The following ENPEP variants were observed in gnomAD, a reference collection of about 807,000 sequenced individuals.
ENPEP encodes the protein glutamyl aminopeptidase.
In ENPEP, 103 loss-of-function variants were observed where a neutral mutation model predicts 114.5. That is an observed-to-expected ratio of 0.90 (90% CI 0.77 to 1.06). The LOEUF (loss-of-function observed/expected upper bound fraction) is 1.06. ENPEP is among the 50% of genes least tolerant of loss of function. The pLI, the probability that ENPEP is intolerant of heterozygous loss-of-function variation, is 0.00. For synonymous variants in ENPEP, 420 were observed against 422.0 expected (o/e 1.00, Z 0.06); for missense variants, 1,196 against 1,161.3 (o/e 1.03, Z -0.43).
At chr4:110,484,484 ATC>A (rs1336620483) in intron 1 of ENPEP, among the ~76,000 whole-genome samples, 1 of 151,958 alleles carries the variant, frequency 6.6e-6, no homozygotes, top group Non-Finnish European at 1.5e-5. Context: ...CTGTATCTAT[ATC>A]TGGGTCACTG....
chr4:110,536,293 A>G (rs1200526686), intron 11 of ENPEP, among the ~76,000 whole-genome samples: 1 of 152,176 alleles, frequency 6.6e-6, no homozygotes, highest in Non-Finnish European at 1.5e-5. Flanking sequence ...GCAACAGTCT[A>G]AAGGAGATAT....
chr4:110,496,811 G>A (rs879148807), intron 3 of ENPEP, among the ~76,000 whole-genome samples: 1 of 152,152 alleles, frequency 6.6e-6, no homozygotes, highest in African/African-American at 2.4e-5. Flanking sequence ...ATCCTATCAG[G>A]GGGTACATGA....
chr4:110,544,443 A>T (rs1726974230), intron 13 of ENPEP, among the ~76,000 whole-genome samples: 1 of 152,096 alleles, frequency 6.6e-6, no homozygotes, highest in South Asian at 2.1e-4. Flanking sequence ...ATGATGTTCT[A>T]GTGAATCTCC....
Position 110,510,340 on chromosome 4 carries a change from A to G in ENPEP, c.1290A>G (p.Ala430=), listed in dbSNP as rs147930792. The G allele has an allele frequency of 8.1e-6, 13 of 1,614,118 alleles. No individual in the cohort carries two copies. The African/African-American group carries it at 1.7e-4, about 22-fold the overall frequency. ...TTGAGTTTCTGGGAGTAAACCATGC[A>G]GAAACAGACTGGCAAATGGTGAGTC... is the stretch of plus-strand genomic sequence containing the variant. ...SFFEFLGVNH[A]ETDWQMRDQM... Residue 430 remains alanine (A), a synonymous_variant, in exon 6 of 20, where the codon GCA becomes GCG. Transcript: ENST00000265162.
intron 3 of ENPEP, among the ~76,000 whole-genome samples, chr4:110,502,483 C>G (rs895867334): frequency 1.3e-5 from 2 of 152,192 alleles, no homozygotes; most frequent in African/African-American, 4.8e-5. Context: ...TTTCAATCTT[C>G]TGCATACGGC....
chr4:110,505,127 CTT>C (rs377163899), intron 3 of ENPEP, among the ~76,000 whole-genome samples: 1 of 152,164 alleles, frequency 6.6e-6, no homozygotes, highest in African/African-American at 2.4e-5. Context: ...AACGTGATGA[CTT>C]TTATTTTAGA....
chr4:110,500,804 A>G (rs976392062), intron 3 of ENPEP, among the ~76,000 whole-genome samples: 2 of 152,196 alleles, frequency 1.3e-5, no homozygotes, highest in African/African-American at 4.8e-5. Flanking sequence ...GTCAGGGGTA[A>G]TTGCCTGAAC....
chr4:110,498,542 A>G (rs1725031980), intron 3 of ENPEP, among the ~76,000 whole-genome samples: 1 of 152,348 alleles, frequency 6.6e-6, no homozygotes, highest in East Asian at 1.9e-4. Context: ...ACAGATTTAC[A>G]TTCCAGGGAC....
At position 110,562,199 on chromosome 4, in the gene ENPEP, A is replaced by G. The variant is rs973026612; in HGVS notation, c.*641A>G. ...CTTTTTTTAAAAATAAATCTAAATGATTATCTTGAAAAAGTATTGTTTTCC... is the reference window on the plus strand; with the variant it reads ...CTTTTTTTAAAAATAAATCTAAATGGTTATCTTGAAAAAGTATTGTTTTCC... On this transcript the variant is annotated 3_prime_UTR_variant, in exon 20 of 20. Transcript: ENST00000265162. 5 of 152,170 alleles carry G rather than the reference A, an allele frequency of 3.3e-5. No homozygotes were observed. Among genetic ancestry groups the G allele is most frequent in the African/African-American group, 9.6e-5 (4 of 41,452 alleles). The allele number at this position is 152,170 out of a possible 1,614,324, so 9.4% of individuals were successfully genotyped here. A position where few individuals can be genotyped will look rare whatever the true frequency, so the allele number is the denominator to read the frequency against.
intron 9 of ENPEP, 39 bp downstream of exon 9, chr4:110,520,112 G>C: frequency 6.2e-7 from 1 of 1,604,926 alleles, no homozygotes; most frequent in Non-Finnish European, 8.5e-7. Context: ...TTCTTTGTCT[G>C]ATTTACAAAT....
At position 110,510,284 on chromosome 4, in the gene ENPEP, T is replaced by C. The variant is rs745325292; in HGVS notation, c.1234T>C (p.Leu412=). Residue 412 remains leucine (L), a synonymous_variant, in exon 6 of 20, where the codon TTG becomes CTG. Coordinates refer to ENST00000265162, the MANE Select transcript of ENPEP (RefSeq NM_001977.4). ...TGTGACCATGGACTGGTGGGAAGAC[T>C]TGTGGCTAAATGAAGGATTTGCTTC... ...NIVTMDWWED[L]WLNEGFASFF... 2 of 1,614,162 alleles carry C rather than the reference T, an allele frequency of 1.2e-6. No individual in the cohort carries two copies. Among genetic ancestry groups the C allele is most frequent in the Admixed American group, 3.3e-5 (2 of 60,028 alleles).
intron 3 of ENPEP, among the ~76,000 whole-genome samples, chr4:110,497,296 A>G (rs145094625): frequency 1.7e-4 from 26 of 152,144 alleles, no homozygotes; most frequent in Middle Eastern, 6.8e-3. Context: ...GAACATTTTA[A>G]TTAGTTTTTT....
At chr4:110,558,477 T>G (rs1366592591) in intron 18 of ENPEP, among the ~76,000 whole-genome samples, 1 of 151,822 alleles carries the variant, frequency 6.6e-6, no homozygotes, top group Non-Finnish European at 1.5e-5. Flanking sequence ...GTATTTTTGT[T>G]AGATATGGGG....
At chr4:110,554,376 T>C (rs1727396009) in intron 18 of ENPEP, among the ~76,000 whole-genome samples, 2 of 152,036 alleles carry the variant, frequency 1.3e-5, no homozygotes, top group African/African-American at 4.8e-5. Context: ...ATTATGTCCA[T>C]TTACATTTCT....
chr4:110,519,918 G>A, intron 8 of ENPEP, 90 bp from the exon 9 acceptor site: 1 of 1,171,600 alleles, frequency 8.5e-7, no homozygotes, highest in African/African-American at 1.5e-5. Context: ...AATGGAGGTA[G>A]AATTGAGTAG....
chr4:110,488,640 C>A lies in ENPEP; in HGVS notation c.744C>A (p.Thr248=), dbSNP rs553576949. ...AGGCAACTTATACAATATCTATCACCCATCCCAAAGAATACGGAGCACTTT... is the reference window on the plus strand; with the variant it reads ...AGGCAACTTATACAATATCTATCACACATCCCAAAGAATACGGAGCACTTT... ...NKKATYTISI[T]HPKEYGALSN... is the part of the protein sequence containing the mutation. The change falls in exon 2 of 20, where the codon ACC becomes ACA. Residue 248 remains threonine (T), a synonymous_variant. Coordinates refer to ENST00000265162, the MANE Select transcript of ENPEP (RefSeq NM_001977.4). 2 of 1,613,428 alleles carry A rather than the reference C, an allele frequency of 1.2e-6. No individual in the cohort carries two copies. Among genetic ancestry groups the A allele is most frequent in the Non-Finnish European group, 1.7e-6 (2 of 1,179,836 alleles).
chr4:110,493,608 A>G (rs1392001999), intron 3 of ENPEP, among the ~76,000 whole-genome samples: 1 of 152,112 alleles, frequency 6.6e-6, no homozygotes, highest in East Asian at 1.9e-4. Context: ...TAAAAGTTGA[A>G]CAGAACCTAA....
At chr4:110,489,918 C>T (rs1430867605) in intron 2 of ENPEP, among the ~76,000 whole-genome samples, 2 of 152,078 alleles carry the variant, frequency 1.3e-5, no homozygotes, top group East Asian at 3.9e-4. Context: ...CAAAATAAAG[C>T]AAATAAACAC....
chr4:110,487,674 T>C (rs910302146), intron 1 of ENPEP, among the ~76,000 whole-genome samples: 1 of 152,242 alleles, frequency 6.6e-6, no homozygotes, highest in African/African-American at 2.4e-5. Flanking sequence ...AAATTATTAA[T>C]GAATGGAAAT....
Sources: gnomAD v4.1 joint callset for allele counts (sites outside exome capture counted in the v4.1 genomes callset) on GRCh38, gnomAD v4.1.1 for gene constraint, MANE v1.5 for transcripts, NCBI Gene and HGNC (gene_info 2026-07-23, HGNC 2026-07-21) for gene names.